FRMPD4: variants seen among roughly 807,000 people sequenced by gnomAD.
The protein encoded by FRMPD4 is FERM and PDZ domain-containing protein 4.
In FRMPD4, 22 loss-of-function variants were observed where a neutral mutation model predicts 94.1. The ratio of observed to expected loss-of-function variants is 0.23; its 90% CI spans 0.17 to 0.33. The LOEUF is 0.33. Ranked by LOEUF, FRMPD4 falls within the 10% of genes least tolerant of loss-of-function variation. The probability of loss-of-function intolerance (pLI) is 1.00; values close to 1 mark genes in which losing one functional copy is unlikely to be tolerated. For synonymous variants in FRMPD4, 631 were observed against 548.6 expected (o/e 1.15, Z -2.10); for missense variants, 1,111 against 1,339.9 (o/e 0.83, Z 2.67).
chrX:12,240,392 G>A (rs902270877), intron 1 of FRMPD4, among the ~76,000 whole-genome samples: 2 of 112,048 alleles, frequency 1.8e-5, no homozygotes, highest in African/African-American at 3.3e-5. Context: ...AAGGGAGGCC[G>A]GTAAATGCAG....
At chrX:12,218,351 G>A (rs2056829461) in intron 1 of FRMPD4, among the ~76,000 whole-genome samples, 1 of 111,829 alleles carries the variant, frequency 8.9e-6, no homozygotes, top group Admixed American at 9.5e-5. Context: ...AGACCTGCAG[G>A]CTGTGACAAT....
At chrX:12,108,933 G>C (rs1200463342) in intron 3 of FRMPD4, among the ~76,000 whole-genome samples, 4 of 111,721 alleles carry the variant, frequency 3.6e-5, no homozygotes, top group Admixed American at 2.8e-4. Flanking sequence ...CAAGTCCTTA[G>C]AGATCTACAA....
chrX:12,233,266 T>C (rs943084796), intron 1 of FRMPD4, among the ~76,000 whole-genome samples: 8 of 112,170 alleles, frequency 7.1e-5, no homozygotes, highest in Admixed American at 2.8e-4. Context: ...AATAAAAATA[T>C]AGAATGCCAA....
rs1402905717 is a variant in FRMPD4 at position 12,498,751 on chromosome X, G to A, written c.113G>A (p.Gly38Glu). The A allele has an allele frequency of 8.4e-7, 1 of 1,195,678 alleles. No homozygotes were observed. The highest frequency in any genetic ancestry group is 1.1e-6 in the Non-Finnish European group (1 of 883,087). The part of the protein sequence containing the change: ...TWGLSQVPPY[G>E]WEMTANRDGR... ...GGCTTGAGCCAGGTGCCGCCCTATG[G>A]ATGGGAGATGACGGCAAACCGAGAT... is the stretch of plus-strand genomic sequence containing the variant. Residue 38 changes from glycine (G) to glutamate (E), a missense_variant, in exon 2 of 17, where the codon GGA becomes GAA. Gly to Glu is a moderately conservative substitution (Grantham distance 98, BLOSUM62 -2). Coordinates refer to ENST00000675598, the MANE Select transcript of FRMPD4 (RefSeq NM_001368397.1).
chrX:11,927,000 C>T (rs2054092700), intron 3 of FRMPD4, among the ~76,000 whole-genome samples: 1 of 111,178 alleles, frequency 9.0e-6, no homozygotes, highest in South Asian at 3.8e-4. Context: ...CTAGAAAACC[C>T]CATAGTCTCA....
intron 1 of FRMPD4, among the ~76,000 whole-genome samples, chrX:11,862,669 T>C (rs905950833): frequency 9.0e-6 from 1 of 110,586 alleles, no homozygotes; most frequent in African/African-American, 3.3e-5. Flanking sequence ...GACAGACCCC[T>C]TCCTTGGCTG....
At chrX:12,351,933 C>T (rs1478196405) in intron 1 of FRMPD4, among the ~76,000 whole-genome samples, 3 of 112,268 alleles carry the variant, frequency 2.7e-5, no homozygotes, top group Non-Finnish European at 3.8e-5. Flanking sequence ...CAATGATGAC[C>T]TATTACAAAT....
chrX:11,911,651 C>T (rs999301767), intron 3 of FRMPD4, among the ~76,000 whole-genome samples: 3 of 111,436 alleles, frequency 2.7e-5, no homozygotes, highest in Admixed American at 9.6e-5. Context: ...GGTTAGCAAA[C>T]GCAAGCAAAG....
intron 1 of FRMPD4, among the ~76,000 whole-genome samples, chrX:12,165,995 A>G (rs1432814269): frequency 8.9e-6 from 1 of 111,839 alleles, no homozygotes. Flanking sequence ...GTTATCTGCA[A>G]ACAGGGACAA....
intron 2 of FRMPD4, among the ~76,000 whole-genome samples, chrX:12,529,638 G>A (rs1475448945): frequency 8.9e-6 from 1 of 112,207 alleles, no homozygotes; most frequent in Non-Finnish European, 1.9e-5. Context: ...GTCTGCCTGG[G>A]AACATGGATC....
chrX:11,874,370 G>A (rs779920013), intron 2 of FRMPD4, among the ~76,000 whole-genome samples: 3 of 111,836 alleles, frequency 2.7e-5, no homozygotes, highest in Admixed American at 9.4e-5. Context: ...GGCTGGTCTC[G>A]AACTCCTGGG....
intron 1 of FRMPD4, among the ~76,000 whole-genome samples, chrX:12,477,159 CATGG>C (rs2057611935): frequency 9.0e-6 from 1 of 111,398 alleles, no homozygotes; most frequent in Admixed American, 9.5e-5. Context: ...TTTGTAGGGA[CATGG>C]ATGAAGCTGG....
intron 1 of FRMPD4, among the ~76,000 whole-genome samples, chrX:12,407,953 C>T (rs982019490): frequency 1.2e-4 from 13 of 110,100 alleles, no homozygotes; most frequent in Non-Finnish European, 2.1e-4. Context: ...AGTATATCTT[C>T]GTTGGTAGGC....
chrX:12,657,694 A>G (rs1249512586), intron 4 of FRMPD4, among the ~76,000 whole-genome samples: 2 of 112,154 alleles, frequency 1.8e-5, no homozygotes, highest in African/African-American at 6.5e-5. Flanking sequence ...GTAAATTTCA[A>G]TGAGCTGTAC....
intron 3 of FRMPD4, among the ~76,000 whole-genome samples, chrX:12,094,859 A>T (rs763658732): frequency 1.8e-5 from 2 of 112,238 alleles, no homozygotes; most frequent in African/African-American, 6.5e-5. Context: ...CTCAGTCTCA[A>T]TTCATGTTAC....
At chrX:11,966,297 T>C (rs965864725) in intron 3 of FRMPD4, among the ~76,000 whole-genome samples, 4 of 110,837 alleles carry the variant, frequency 3.6e-5, no homozygotes, top group Non-Finnish European at 7.6e-5. Context: ...ATGAATGGGA[T>C]TAGTGCCCTT....
At chrX:12,613,760 G>A (rs1453697648) in intron 3 of FRMPD4, among the ~76,000 whole-genome samples, 1 of 111,933 alleles carries the variant, frequency 8.9e-6, no homozygotes, top group Non-Finnish European at 1.9e-5. Flanking sequence ...GGTGGATCAC[G>A]AGGTCAGGAG....
chrX:12,100,676 A>G (rs1051152006), intron 3 of FRMPD4, among the ~76,000 whole-genome samples: 2 of 112,240 alleles, frequency 1.8e-5, no homozygotes, highest in African/African-American at 6.5e-5. Context: ...CTTGTTCTCT[A>G]GACTTTATCA....
chrX:12,548,757 G>A (rs1389931376), intron 2 of FRMPD4, among the ~76,000 whole-genome samples: 1 of 112,093 alleles, frequency 8.9e-6, no homozygotes, highest in Non-Finnish European at 1.9e-5. Flanking sequence ...AACAAGGTTA[G>A]GTCTTATCTA....
Sources: gnomAD v4.1 joint callset for allele counts (sites outside exome capture counted in the v4.1 genomes callset) on GRCh38, gnomAD v4.1.1 for gene constraint, MANE v1.5 for transcripts, NCBI Gene and HGNC (gene_info 2026-07-23, HGNC 2026-07-21) for gene names.